Variants in SGCZ observed in about 807,000 individuals in gnomAD.
The protein encoded by SGCZ is sarcoglycan zeta, also known as zeta-sarcoglycan.
SGCZ carries 40 observed loss-of-function variants against 41.3 expected under a neutral mutation model. The observed-to-expected ratio is 0.97, with a 90% CI of 0.75 to 1.26. The LOEUF (loss-of-function observed/expected upper bound fraction) is 1.26, where lower values mean the gene tolerates loss of function less well. SGCZ is among the 50% of genes most tolerant of loss of function. The pLI is 0.00. For missense variants in SGCZ, 552 were observed against 369.8 expected (o/e 1.49, Z -4.04); for synonymous variants, 206 against 137.5 (o/e 1.50, Z -3.49).
chr8:14,616,285 A>G (rs1806102273), intron 1 of SGCZ, among the ~76,000 whole-genome samples: 1 of 148,954 alleles, frequency 6.7e-6, no homozygotes, highest in Non-Finnish European at 1.5e-5. Flanking sequence ...TCTGTCTCAA[A>G]AAAAAAAAAG....
intron 1 of SGCZ, among the ~76,000 whole-genome samples, chr8:14,651,948 T>TA (rs1006411255): frequency 1.4e-4 from 21 of 150,552 alleles, no homozygotes; most frequent in African/African-American, 2.7e-4. Flanking sequence ...AGTTTACATT[T>TA]AAAAAAAAAG....
chr8:14,177,429 A>G (rs1804575776), intron 4 of SGCZ, among the ~76,000 whole-genome samples: 1 of 152,228 alleles, frequency 6.6e-6, no homozygotes, highest in Non-Finnish European at 1.5e-5. Flanking sequence ...ACAACAACAA[A>G]TCAGCGCTCA....
rs1372034464 is a variant in SGCZ, at chr8:14,086,924, A to G, written c.*3519T>C. 6.6e-6 allele frequency among the ~76,000 whole-genome samples: 1 copy of G among 151,740 alleles called. No individual in the cohort carries two copies. Among genetic ancestry groups the G allele is most frequent in the African/African-American group, 2.4e-5 (1 of 41,404 alleles). The stretch of plus-strand genomic sequence containing the variant: ...TTAAAAATGAATGTGACTAAAGGAA[A>G]TGTCTAGTTTGATATACCCCTCTCA... On this transcript the variant is annotated 3_prime_UTR_variant, in exon 8 of 8. Coordinates refer to ENST00000382080, the MANE Select transcript of SGCZ (RefSeq NM_139167.4).
At chr8:14,271,320 TA>T (rs1423191984) in intron 3 of SGCZ, among the ~76,000 whole-genome samples, 1 of 152,346 alleles carries the variant, frequency 6.6e-6, no homozygotes, top group East Asian at 1.9e-4. Flanking sequence ...TAATTCAGCC[TA>T]AAAACTTTAG....
chr8:15,012,554 A>ATATATAACATATAAATATATATT lies in SGCZ; in HGVS notation c.39+225008_39+225030dup, dbSNP rs1477299678. The stretch of plus-strand genomic sequence containing the variant: ...TGAACATATAAAAATATGAATATTT[A>ATATATAACATATAAATATATATT]TATATAACATATAAATATATATTTA... On this transcript the variant is annotated intron_variant, in intron 1 of 7. Transcript: ENST00000382080. Among the ~76,000 whole-genome samples the ATATATAACATATAAATATATATT allele has an allele frequency of 8.0e-4, 79 of 98,780 alleles. 3 individuals carry two copies. The highest frequency in any genetic ancestry group is 3.3e-3 in the South Asian group (11 of 3,346). 64.8% of individuals were successfully genotyped at this position (98,780 alleles called of 152,430 possible). A position where few individuals can be genotyped will look rare whatever the true frequency, so the allele number is the denominator to read the frequency against.
intron 1 of SGCZ, among the ~76,000 whole-genome samples, chr8:15,138,664 TG>T (rs1344084953): frequency 6.6e-6 from 1 of 152,154 alleles, no homozygotes; most frequent in East Asian, 1.9e-4. Context: ...TGTGAAGAGG[TG>T]CCTGCCACCA....
chr8:14,652,716 TTTG>T (rs1248989118), intron 1 of SGCZ, among the ~76,000 whole-genome samples: 4 of 152,180 alleles, frequency 2.6e-5, no homozygotes, highest in African/African-American at 9.6e-5. Flanking sequence ...GAAAGGAAAG[TTTG>T]TTAAGATTTG....
chr8:14,265,179 C>CT, intron 3 of SGCZ, among the ~76,000 whole-genome samples: 1 of 152,240 alleles, frequency 6.6e-6, no homozygotes, highest in Non-Finnish European at 1.5e-5. Flanking sequence ...TTCAAAATAG[C>CT]TTTAAAACCC....
chr8:14,754,991 A>G (rs554729162), intron 1 of SGCZ, among the ~76,000 whole-genome samples: 53 of 152,262 alleles, frequency 3.5e-4, no homozygotes, highest in Admixed American at 1.6e-3. Context: ...TGGCCTCCCA[A>G]AGTTCTAGGA....
intron 2 of SGCZ, among the ~76,000 whole-genome samples, chr8:14,438,392 C>G (rs756143103): frequency 5.3e-5 from 8 of 151,926 alleles, no homozygotes; most frequent in Non-Finnish European, 1.0e-4. Context: ...TCATAATTCA[C>G]TCTTTGTTTT....
intron 2 of SGCZ, among the ~76,000 whole-genome samples, chr8:14,342,170 T>A: frequency 6.6e-6 from 1 of 152,074 alleles, no homozygotes; most frequent in South Asian, 2.1e-4. Context: ...AGGTCTCAGA[T>A]GGAGATAAGG....
At chr8:15,054,553 G>A (rs1003473702) in intron 1 of SGCZ, among the ~76,000 whole-genome samples, 15 of 152,132 alleles carry the variant, frequency 9.9e-5, no homozygotes, top group African/African-American at 2.9e-4. Context: ...AAACGAAGCC[G>A]TAGTATATAA....
At chr8:15,134,645 C>G (rs1808043222) in intron 1 of SGCZ, among the ~76,000 whole-genome samples, 1 of 152,112 alleles carries the variant, frequency 6.6e-6, no homozygotes, top group African/African-American at 2.4e-5. Context: ...TAAGCATACA[C>G]AGCTGATTCT....
intron 2 of SGCZ, among the ~76,000 whole-genome samples, chr8:14,447,703 C>T (rs565366617): frequency 8.0e-4 from 121 of 152,046 alleles, no homozygotes; most frequent in Non-Finnish European, 1.1e-3. Flanking sequence ...TTTTAAATGA[C>T]AGTATTTGGT....
chr8:14,428,805 A>T (rs1799863126), intron 2 of SGCZ, among the ~76,000 whole-genome samples: 1 of 152,350 alleles, frequency 6.6e-6, no homozygotes, highest in African/African-American at 2.4e-5. Context: ...GATTTCCTGC[A>T]CATGGATATA....
At chr8:14,837,216 G>A (rs528394993) in intron 1 of SGCZ, among the ~76,000 whole-genome samples, 1 of 152,256 alleles carries the variant, frequency 6.6e-6, no homozygotes, top group Middle Eastern at 3.4e-3. Flanking sequence ...AAGGCTGGGT[G>A]CTTTTAAGAT....
intron 1 of SGCZ, among the ~76,000 whole-genome samples, chr8:14,927,400 C>T (rs762654397): frequency 1.4e-4 from 22 of 151,982 alleles, no homozygotes; most frequent in Non-Finnish European, 2.1e-4. Flanking sequence ...TGAGCCACCG[C>T]GCCCGGCCAA....
chr8:15,133,487 C>T (rs1446332048), intron 1 of SGCZ, among the ~76,000 whole-genome samples: 1 of 152,146 alleles, frequency 6.6e-6, no homozygotes, highest in Admixed American at 6.5e-5. Flanking sequence ...TTTAGACTCT[C>T]GTTATCTTCC....
intron 1 of SGCZ, among the ~76,000 whole-genome samples, chr8:14,827,805 T>G (rs1428734606): frequency 2.6e-5 from 4 of 152,118 alleles, no homozygotes; most frequent in Non-Finnish European, 4.4e-5. Context: ...TGTTAATATA[T>G]GCACACACGG....
Sources: gnomAD v4.1 joint callset for allele counts (sites outside exome capture counted in the v4.1 genomes callset) on GRCh38, gnomAD v4.1.1 for gene constraint, MANE v1.5 for transcripts, NCBI Gene and HGNC (gene_info 2026-07-23, HGNC 2026-07-21) for gene names.